The following RSPO2 variants were observed in gnomAD, a reference collection of about 807,000 sequenced individuals.
RSPO2 encodes the protein R-spondin 2, also known as R-spondin-2.
Under a neutral mutation model 30.9 loss-of-function variants are expected in RSPO2, and 14 were observed. The ratio of observed to expected loss-of-function variants is 0.45; its 90% confidence interval spans 0.30 to 0.71. The LOEUF is 0.71. RSPO2 is among the 30% of genes least tolerant of loss of function. RSPO2 has a pLI of 0.08. For synonymous variants in RSPO2, 107 were observed against 96.4 expected (o/e 1.11, Z -0.64); for missense variants, 264 against 301.9 (o/e 0.87, Z 0.93).
intron 2 of RSPO2, among the ~76,000 whole-genome samples, chr8:108,057,879 A>C (rs979625567): frequency 6.6e-6 from 1 of 152,170 alleles, no homozygotes; most frequent in Non-Finnish European, 1.5e-5. Context: ...TTTTGGACTG[A>C]GACAATGGGG....
At chr8:107,983,260 C>T in intron 3 of RSPO2, 1 of 1,588,272 alleles carries the variant, frequency 6.3e-7, no homozygotes, top group Non-Finnish European at 8.6e-7. Flanking sequence ...GAAGCTGACA[C>T]AGTCTGAGCA....
intron 2 of RSPO2, 81 bp downstream of exon 2, chr8:108,082,464 C>A: frequency 9.3e-7 from 1 of 1,077,890 alleles, no homozygotes; most frequent in Non-Finnish European, 1.4e-6. Context: ...CCATCTGAGC[C>A]CCCGGAGCCA....
chr8:107,908,056 C>A (rs568157377), intron 5 of RSPO2, among the ~76,000 whole-genome samples: 5 of 152,102 alleles, frequency 3.3e-5, no homozygotes, highest in Non-Finnish European at 5.9e-5. Context: ...AAAAGCTAAC[C>A]CTGAAGAAGA....
Position 108,010,886 on chromosome 8 carries a change from A to G in RSPO2, c.95-21642T>C, listed in dbSNP as rs1382486741. Reference sequence around the variant, plus strand: ...AATTCATTTTCCATGACTAAGAGAAAGAAAGACCAAGATAGAAACTAATTC... The same window carrying G: ...AATTCATTTTCCATGACTAAGAGAAGGAAAGACCAAGATAGAAACTAATTC... On this transcript the variant is annotated intron_variant, in intron 2 of 5. Transcript: ENST00000276659. Among the ~76,000 whole-genome samples the G allele has an allele frequency of 2.6e-5, 4 of 152,182 alleles. No individual in the cohort carries two copies. In the East Asian group the frequency reaches 7.7e-4, roughly 29 times the overall value.
At chr8:108,000,721 C>A (rs1815213774) in intron 2 of RSPO2, among the ~76,000 whole-genome samples, 1 of 151,680 alleles carries the variant, frequency 6.6e-6, no homozygotes, top group Non-Finnish European at 1.5e-5. Context: ...CCAGGGAACT[C>A]CCGGGCACGG....
At chr8:108,015,360 A>C (rs1447066530) in intron 2 of RSPO2, among the ~76,000 whole-genome samples, 2 of 152,172 alleles carry the variant, frequency 1.3e-5, no homozygotes, top group Non-Finnish European at 2.9e-5. Context: ...ACACACAAAT[A>C]ACACTAGTAT....
At chr8:107,979,197 T>C (rs369494678) in intron 3 of RSPO2, among the ~76,000 whole-genome samples, 2 of 152,178 alleles carry the variant, frequency 1.3e-5, no homozygotes, top group African/African-American at 2.4e-5. Flanking sequence ...ACCCAAAGGA[T>C]TATAAATCAT....
chr8:107,956,395 AAG>A (rs1479070911), intron 5 of RSPO2, among the ~76,000 whole-genome samples: 1 of 152,246 alleles, frequency 6.6e-6, no homozygotes, highest in Non-Finnish European at 1.5e-5. Context: ...GCTTGTCAAA[AAG>A]AGAATATTAG....
chr8:107,940,746 G>C (rs1812869888), intron 5 of RSPO2, among the ~76,000 whole-genome samples: 1 of 152,084 alleles, frequency 6.6e-6, no homozygotes, highest in Non-Finnish European at 1.5e-5. Context: ...AATTTTGAAA[G>C]AAAATTCATT....
chr8:107,945,342 G>A (rs554670747), intron 5 of RSPO2, among the ~76,000 whole-genome samples: 5 of 134,796 alleles, frequency 3.7e-5, no homozygotes, highest in East Asian at 2.7e-4. Flanking sequence ...TCCGCCTCCC[G>A]GGTTCATGCT....
At chr8:107,915,578 CT>C (rs1811954569) in intron 5 of RSPO2, among the ~76,000 whole-genome samples, 1 of 151,882 alleles carries the variant, frequency 6.6e-6, no homozygotes, top group South Asian at 2.1e-4. Flanking sequence ...TTTGGAAGGC[CT>C]TCTATCCTTC....
At chr8:107,982,821 T>C (rs1348239991) in intron 3 of RSPO2, among the ~76,000 whole-genome samples, 1 of 152,214 alleles carries the variant, frequency 6.6e-6, no homozygotes, top group Non-Finnish European at 1.5e-5. Context: ...GACATCATCC[T>C]CTCTGCTTTC....
At position 107,995,468 on chromosome 8, in the gene RSPO2, G is replaced by A. The variant is rs2130541921; in HGVS notation, c.95-6224C>T. On this transcript the variant is annotated intron_variant, in intron 2 of 5. Transcript: ENST00000276659. ...TCATAACTTGTTCAATTTCAGCTAAGTTGTTAGCATCTTTCCATAACAATG... is the reference window on the plus strand; with the variant it reads ...TCATAACTTGTTCAATTTCAGCTAAATTGTTAGCATCTTTCCATAACAATG... Among the ~76,000 whole-genome samples the A allele has an allele frequency of 3.9e-5, 6 of 152,196 alleles. No individual in the cohort carries two copies. In the South Asian group the frequency reaches 1.2e-3, roughly 32 times the overall value.
intron 5 of RSPO2, among the ~76,000 whole-genome samples, chr8:107,912,869 A>T (rs1241587296): frequency 6.6e-6 from 1 of 152,168 alleles, no homozygotes; most frequent in Non-Finnish European, 1.5e-5. Context: ...TTTCTTCCAA[A>T]TTATTAAAAT....
intron 2 of RSPO2, among the ~76,000 whole-genome samples, chr8:108,077,589 G>A (rs1314986067): frequency 6.8e-6 from 1 of 146,974 alleles, no homozygotes. Flanking sequence ...CTGAAATCCC[G>A]ATCCTCCATA....
At position 108,068,509 on chromosome 8, in the gene RSPO2, G is replaced by A. The variant is rs145452033; in HGVS notation, c.94+14036C>T. Among the ~76,000 whole-genome samples, 3 of 152,254 alleles carry A rather than the reference G, an allele frequency of 2.0e-5. No individual in the cohort carries two copies. The East Asian group carries it at 5.8e-4, about 29-fold the overall frequency. ...TTGTTATGAAAATAAGGATTTAAAA[G>A]ACTACCGGGTATGATGCAAAGGGTA... On this transcript the variant is annotated intron_variant, in intron 2 of 5. Transcript: ENST00000276659.
intron 2 of RSPO2, among the ~76,000 whole-genome samples, chr8:108,077,147 T>C (rs1169996922): frequency 6.6e-6 from 1 of 152,202 alleles, no homozygotes; most frequent in African/African-American, 2.4e-5. Flanking sequence ...ATTTATAAAC[T>C]TTTAATATTT....
chr8:107,964,761 C>A (rs1340893650), intron 3 of RSPO2, among the ~76,000 whole-genome samples: 1 of 152,162 alleles, frequency 6.6e-6, no homozygotes, highest in Non-Finnish European at 1.5e-5. Context: ...CAGCTTGTAG[C>A]CATTTTCCAA....
At chr8:108,070,770 C>T (rs1812821970) in intron 2 of RSPO2, among the ~76,000 whole-genome samples, 1 of 152,162 alleles carries the variant, frequency 6.6e-6, no homozygotes, top group Admixed American at 6.5e-5. Context: ...AGCTTTAAAA[C>T]ACTCTCACGA....
Sources: gnomAD v4.1 joint callset for allele counts (sites outside exome capture counted in the v4.1 genomes callset) on GRCh38, gnomAD v4.1.1 for gene constraint, MANE v1.5 for transcripts, NCBI Gene and HGNC (gene_info 2026-07-23, HGNC 2026-07-21) for gene names.